SDK1: variants seen among roughly 807,000 people sequenced by gnomAD.
SDK1 encodes the protein sidekick cell adhesion molecule 1.
Under a neutral mutation model 245.5 loss-of-function variants are expected in SDK1, and 157 were observed. The observed-to-expected ratio is 0.64, with a 90% CI of 0.56 to 0.73. The LOEUF (loss-of-function observed/expected upper bound fraction) is 0.73. Among genes scored for constraint, SDK1 ranks in the 30% least tolerant of loss-of-function variants. The pLI, the probability that SDK1 is intolerant of heterozygous loss-of-function variation, is 0.00. For synonymous variants in SDK1, 1,647 were observed against 1,278.5 expected, an observed-to-expected ratio of 1.29 and a Z score of -6.15; for missense variants, 3,583 against 3,002.3, an observed-to-expected ratio of 1.19 and a Z score of -4.52.
intron 4 of SDK1, among the ~76,000 whole-genome samples, chr7:3,806,562 C>T (rs1779253426): frequency 6.6e-6 from 1 of 152,226 alleles, no homozygotes; most frequent in African/African-American, 2.4e-5. Context: ...GGCCTTTGGT[C>T]CTTTGCAGAA....
At chr7:3,749,875 A>G (rs1779727791) in intron 4 of SDK1, among the ~76,000 whole-genome samples, 2 of 152,236 alleles carry the variant, frequency 1.3e-5, no homozygotes, top group South Asian at 4.1e-4. Context: ...TCAGTACTGT[A>G]AAGAAGAAAC....
At chr7:4,168,258 G>A (rs942557627) in intron 32 of SDK1, among the ~76,000 whole-genome samples, 3 of 152,218 alleles carry the variant, frequency 2.0e-5, no homozygotes, top group East Asian at 1.9e-4. Flanking sequence ...TGCCAGGAGC[G>A]GATGCATTTT....
rs1235693619 is a variant in SDK1, at chr7:3,400,808, G to T, written c.298+98924G>T. ...TGTTTGCCTTCATGTTAACACATGA[G>T]ATGAGGAATCTATTATGCAACAGAG... On this transcript the variant is annotated intron_variant, in intron 1 of 44. Coordinates refer to ENST00000404826, the MANE Select transcript of SDK1 (RefSeq NM_152744.4). Among the ~76,000 whole-genome samples the T allele has an allele frequency of 2.0e-5, 3 of 152,192 alleles. No homozygotes were observed. In the East Asian group the frequency reaches 5.8e-4, roughly 29 times the overall value.
chr7:3,998,479 C>G (rs1411001985), intron 14 of SDK1, among the ~76,000 whole-genome samples: 2 of 151,966 alleles, frequency 1.3e-5, no homozygotes, highest in African/African-American at 2.4e-5. Flanking sequence ...CTTAAAATAA[C>G]AAAATATTAC....
intron 35 of SDK1, among the ~76,000 whole-genome samples, chr7:4,194,842 A>C (rs1446721482): frequency 6.6e-6 from 1 of 152,218 alleles, no homozygotes; most frequent in Non-Finnish European, 1.5e-5. Context: ...TGAATCCTTC[A>C]ATCCAATCAA....
intron 1 of SDK1, among the ~76,000 whole-genome samples, chr7:3,595,150 TG>T (rs1421567956): frequency 2.0e-5 from 3 of 152,178 alleles, no homozygotes; most frequent in African/African-American, 7.2e-5. Context: ...TTTTGAATCT[TG>T]CCTGAATAAT....
chr7:4,130,030 G>A lies in SDK1; in HGVS notation c.4062G>A (p.Leu1354=), dbSNP rs1447223420. 1.2e-6 allele frequency: 2 copies of A among 1,613,314 alleles called. No individual in the cohort carries two copies. Among genetic ancestry groups the A allele is most frequent in the Middle Eastern group, 1.6e-4 (1 of 6,072 alleles). ...TCGTGCTCTACGAGCTCCAGGTGCT[G>A]GCGTTCACCCGCATCGGGAACGGGG... ...RKFVLYELQV[L]AFTRIGNGVP... The change falls in exon 27 of 45, where the codon CTG becomes CTA. Residue 1354 remains leucine (L), a synonymous_variant. Transcript: ENST00000404826.
chr7:3,676,994 C>G (rs1173381726), intron 4 of SDK1, among the ~76,000 whole-genome samples: 2 of 152,180 alleles, frequency 1.3e-5, no homozygotes, highest in Non-Finnish European at 2.9e-5. Context: ...TTACCTACTT[C>G]TGTTCCCTGG....
At chr7:4,215,886 G>A (rs369127668) in intron 38 of SDK1, among the ~76,000 whole-genome samples, 3 of 152,114 alleles carry the variant, frequency 2.0e-5, no homozygotes, top group South Asian at 4.1e-4. Flanking sequence ...TGAGGTAAGC[G>A]CTGCCAACCT....
rs77283744 is a variant in SDK1 at position 3,653,055 on chromosome 7, C to A, written c.713+10950C>A. Among the ~76,000 whole-genome samples, 153 of 152,330 alleles carry A rather than the reference C, an allele frequency of 1.0e-3. 3 individuals carry two copies. In the East Asian group the frequency reaches 0.025, roughly 25 times the overall value. The stretch of plus-strand genomic sequence containing the variant: ...CAGTGCCAAACAGTGGACTTCTCCC[C>A]CACTTGGAAGGAATCTGGTGACGCA... On this transcript the variant is annotated intron_variant, in intron 4 of 44. Transcript: ENST00000404826.
At chr7:3,913,562 A>G (rs1015150750) in intron 5 of SDK1, among the ~76,000 whole-genome samples, 10 of 151,920 alleles carry the variant, frequency 6.6e-5, no homozygotes, top group Non-Finnish European at 7.4e-5. Context: ...CAAAGTGCTG[A>G]CATTACAGGC....
chr7:3,651,374 G>A (rs758994199), intron 4 of SDK1, among the ~76,000 whole-genome samples: 2 of 152,110 alleles, frequency 1.3e-5, no homozygotes, highest in Non-Finnish European at 2.9e-5. Context: ...TAAAAAGAAT[G>A]AAATTAGAAA....
chr7:3,722,743 G>T (rs138773829), intron 4 of SDK1, among the ~76,000 whole-genome samples: 2 of 152,180 alleles, frequency 1.3e-5, no homozygotes, highest in South Asian at 4.1e-4. Context: ...CCTCAGATCC[G>T]GGGACTCGCG....
chr7:4,114,679 A>G (rs1417544367), intron 25 of SDK1, among the ~76,000 whole-genome samples: 2 of 152,192 alleles, frequency 1.3e-5, no homozygotes, highest in Non-Finnish European at 2.9e-5. Flanking sequence ...ATAGGCCTCT[A>G]AAAGTTTAAT....
intron 8 of SDK1, 31 bp from the exon 9 acceptor site, chr7:3,962,626 T>C: frequency 6.5e-7 from 1 of 1,535,798 alleles, no homozygotes; most frequent in Non-Finnish European, 8.8e-7. Flanking sequence ...GAATTATTTT[T>C]AAAATCCTAT....
At chr7:3,505,773 A>G (rs1402402392) in intron 1 of SDK1, among the ~76,000 whole-genome samples, 1 of 152,166 alleles carries the variant, frequency 6.6e-6, no homozygotes, top group Non-Finnish European at 1.5e-5. Flanking sequence ...GATGTGGAGA[A>G]CTGACCTTTT....
rs185073438 is a variant in SDK1 at position 3,491,294 on chromosome 7, C to T, written c.299-127786C>T. Among the ~76,000 whole-genome samples, 371 of 152,282 alleles carry T rather than the reference C, an allele frequency of 2.4e-3. 3 individuals are homozygous for T. The highest frequency in any genetic ancestry group is 0.018 in the South Asian group (87 of 4,826). ...TAATCACCTGAGGGTGCTTTAAAGA[C>T]TATGAATAATACTCAGACTTTCTTC... On this transcript the variant is annotated intron_variant, in intron 1 of 44. Transcript: ENST00000404826.
At chr7:3,639,240 C>G (rs1782569679) in intron 3 of SDK1, 130 bp downstream of exon 3, 1 of 490,026 alleles carries the variant, frequency 2.0e-6, no homozygotes, top group Non-Finnish European at 3.6e-6. Flanking sequence ...AGAATAATTG[C>G]AAAACTCAGT....
intron 29 of SDK1, among the ~76,000 whole-genome samples, chr7:4,148,328 C>A (rs632965): frequency 0.13 from 20,510 of 152,246 alleles, 1,527 homozygotes; most frequent in Middle Eastern, 0.17. Context: ...AACAATTAAA[C>A]AATTATTCCT....
Sources: allele counts gnomAD v4.1 joint callset (sites outside exome capture counted in the v4.1 genomes callset), GRCh38; gene constraint gnomAD v4.1.1; transcripts MANE v1.5; gene names NCBI Gene and HGNC (gene_info 2026-07-23, HGNC 2026-07-21).